The following FOXO1 variants were observed in gnomAD, a reference collection of about 807,000 sequenced individuals.
The protein encoded by FOXO1 is forkhead box O1.
A neutral mutation model predicts 44.1 loss-of-function variants in FOXO1; 6 were observed. The observed-to-expected ratio is 0.14, with a 90% CI of 0.07 to 0.27. The LOEUF (loss-of-function observed/expected upper bound fraction) is 0.27, where lower values mean the gene tolerates loss of function less well. Ranked by LOEUF, FOXO1 falls within the 10% of genes least tolerant of loss-of-function variation. The pLI is 1.00. For synonymous variants in FOXO1, 380 were observed against 362.7 expected, an observed-to-expected ratio of 1.05 and a Z score of -0.54; for missense variants, 737 against 888.8, an observed-to-expected ratio of 0.83 and a Z score of 2.17.
chr13:40,628,154 T>A (rs1405828564), intron 1 of FOXO1, among the ~76,000 whole-genome samples: 1 of 152,044 alleles, frequency 6.6e-6, no homozygotes, highest in East Asian at 1.9e-4. Context: ...TTCTTCAAAC[T>A]TACCACTTGA....
intron 1 of FOXO1, among the ~76,000 whole-genome samples, chr13:40,591,381 G>A (rs1249981265): frequency 6.6e-6 from 1 of 152,184 alleles, no homozygotes; most frequent in East Asian, 1.9e-4. Flanking sequence ...GGCTCACAAA[G>A]AGAAGGATCA....
intron 1 of FOXO1, among the ~76,000 whole-genome samples, chr13:40,569,456 G>C (rs1874397389): frequency 6.6e-6 from 1 of 152,188 alleles, no homozygotes; most frequent in East Asian, 1.9e-4. Context: ...GGAAGTGAAA[G>C]AATACATAAA....
intron 1 of FOXO1, among the ~76,000 whole-genome samples, chr13:40,601,784 G>C (rs980963847): frequency 6.6e-6 from 1 of 152,004 alleles, no homozygotes; most frequent in African/African-American, 2.4e-5. Flanking sequence ...CTTTGTACTA[G>C]TACTGTTTTA....
At chr13:40,628,578 T>C (rs932509640) in intron 1 of FOXO1, among the ~76,000 whole-genome samples, 3 of 151,922 alleles carry the variant, frequency 2.0e-5, no homozygotes, top group African/African-American at 7.3e-5. Context: ...TCCTAGAAAA[T>C]GTATAGTGGA....
intron 1 of FOXO1, among the ~76,000 whole-genome samples, chr13:40,655,928 C>T (rs954020964): frequency 3.3e-5 from 5 of 152,122 alleles, no homozygotes; most frequent in South Asian, 2.1e-4. Context: ...TGAGCCACCG[C>T]GCCCGGACAG....
intron 1 of FOXO1, among the ~76,000 whole-genome samples, chr13:40,664,799 C>G (rs910133159): frequency 6.9e-5 from 10 of 144,580 alleles, no homozygotes; most frequent in Non-Finnish European, 1.5e-4. Flanking sequence ...GCGCCCGGGG[C>G]CCCTCCCACG....
intron 1 of FOXO1, among the ~76,000 whole-genome samples, chr13:40,608,425 G>A (rs1182997946): frequency 6.6e-6 from 1 of 152,238 alleles, no homozygotes; most frequent in Non-Finnish European, 1.5e-5. Flanking sequence ...GACACATGGA[G>A]TAGGCTGCTG....
chr13:40,614,280 T>C (rs2137894159), intron 1 of FOXO1, among the ~76,000 whole-genome samples: 1 of 152,336 alleles, frequency 6.6e-6, no homozygotes, highest in East Asian at 1.9e-4. Context: ...AAGCTAGATA[T>C]GTTTAACCAC....
At chr13:40,561,351 C>A (rs1263880754) in intron 1 of FOXO1, among the ~76,000 whole-genome samples, 2,226 of 119,368 alleles carry the variant, frequency 0.019, no homozygotes, top group Non-Finnish European at 0.021. Flanking sequence ...GACTCGATCT[C>A]AAAAAAAAAA....
intron 1 of FOXO1, among the ~76,000 whole-genome samples, chr13:40,648,767 T>C (rs1018032021): frequency 6.6e-6 from 1 of 152,228 alleles, no homozygotes; most frequent in Non-Finnish European, 1.5e-5. Context: ...ATACTATTAA[T>C]ATATTTATAG....
intron 1 of FOXO1, among the ~76,000 whole-genome samples, chr13:40,659,327 A>AAAAAAAG (rs1555253741): frequency 9.3e-5 from 14 of 151,126 alleles, no homozygotes; most frequent in African/African-American, 2.7e-4. Flanking sequence ...AAAAAAAAAA[A>AAAAAAAG]AAAAGAAAAG....
rs548446335 is a variant in FOXO1, at chr13:40,648,992, T to G, written c.630+16591A>C. Among the ~76,000 whole-genome samples the G allele has an allele frequency of 1.3e-5, 2 of 152,326 alleles. 1 individual carries two copies. Among genetic ancestry groups the G allele is most frequent in the South Asian group, 4.2e-4 (2 of 4,818 alleles). The stretch of plus-strand genomic sequence containing the variant: ...GGTCTGCGGGAAAGTGGCTGCTAAC[T>G]TGTTTCAGGCCAGAGTAACAAGATA... On this transcript the variant is annotated intron_variant, in intron 1 of 2. Coordinates refer to ENST00000379561, the MANE Select transcript of FOXO1 (RefSeq NM_002015.4).
intron 1 of FOXO1, among the ~76,000 whole-genome samples, chr13:40,561,109 T>C (rs1301187688): frequency 1.3e-5 from 2 of 152,152 alleles, no homozygotes; most frequent in Non-Finnish European, 1.5e-5. Context: ...TCCTAGCACT[T>C]TGCGAGGCCC....
chr13:40,645,460 G>A lies in FOXO1; in HGVS notation c.630+20123C>T, dbSNP rs570945265. 5.3e-5 allele frequency among the ~76,000 whole-genome samples: 8 copies of A among 152,110 alleles called. No individual in the cohort carries two copies. In the South Asian group the frequency reaches 1.0e-3, roughly 20 times the overall value. Reference sequence around the variant, plus strand: ...TTAAGGTGACTTGCATCATGTTCACGCCCAGGGTGAAGTGTATCATCACCA... The same window carrying A: ...TTAAGGTGACTTGCATCATGTTCACACCCAGGGTGAAGTGTATCATCACCA... On this transcript the variant is annotated intron_variant, in intron 1 of 2. Coordinates refer to ENST00000379561, the MANE Select transcript of FOXO1 (RefSeq NM_002015.4).
intron 1 of FOXO1, among the ~76,000 whole-genome samples, chr13:40,665,139 T>TC (rs1170284341): frequency 2.7e-5 from 4 of 148,460 alleles, no homozygotes; most frequent in African/African-American, 1.0e-4. Flanking sequence ...CGCCGCGCCC[T>TC]CCCCCGCCGC....
chr13:40,630,879 C>A (rs1306390478), intron 1 of FOXO1, among the ~76,000 whole-genome samples: 1 of 152,090 alleles, frequency 6.6e-6, no homozygotes, highest in Non-Finnish European at 1.5e-5. Flanking sequence ...CCGCAGGGCA[C>A]CACTCTGCAG....
rs1159643329 is a variant in FOXO1 at position 40,558,794 on chromosome 13, A to G, written c.*255T>C. ...TGTAGTGAGTTTGGCACTTCATTGT[A>G]ATGAAATTTCCAATGGCACAGTCCT... On this transcript the variant is annotated 3_prime_UTR_variant, in exon 3 of 3. Transcript: ENST00000379561. 1.0e-5 allele frequency: 4 copies of G among 398,876 alleles called. No homozygotes were observed. The highest frequency in any genetic ancestry group is 1.8e-5 in the Non-Finnish European group (4 of 226,028). 24.7% of individuals were successfully genotyped at this position (398,876 alleles called of 1,614,324 possible). A position where few individuals can be genotyped will look rare whatever the true frequency, so the allele number is the denominator to read the frequency against.
intron 1 of FOXO1, among the ~76,000 whole-genome samples, chr13:40,573,282 G>A (rs948321164): frequency 6.6e-6 from 1 of 152,288 alleles, no homozygotes; most frequent in South Asian, 2.1e-4. Flanking sequence ...CTGTGTCAGA[G>A]GTGCCCACCA....
chr13:40,645,687 A>G (rs1341691303), intron 1 of FOXO1, among the ~76,000 whole-genome samples: 1 of 152,236 alleles, frequency 6.6e-6, no homozygotes. Context: ...GCCGAAAATG[A>G]GAAGGAAAGC....
Sources: gnomAD v4.1 joint callset for allele counts (sites outside exome capture counted in the v4.1 genomes callset) on GRCh38, gnomAD v4.1.1 for gene constraint, MANE v1.5 for transcripts, NCBI Gene and HGNC (gene_info 2026-07-23, HGNC 2026-07-21) for gene names.